Variants in PTPN13 observed in about 807,000 individuals in gnomAD.
PTPN13 encodes the protein protein tyrosine phosphatase non-receptor type 13.
In PTPN13, 191 loss-of-function variants were observed where a neutral mutation model predicts 284.0. That is an observed-to-expected ratio of 0.67 (90% CI 0.60 to 0.76). PTPN13 has a LOEUF of 0.76. Ranked by LOEUF, PTPN13 falls within the 30% of genes least tolerant of loss-of-function variation. PTPN13 has a pLI of 0.00. For synonymous variants in PTPN13, 986 were observed against 1,022.3 expected (o/e 0.96, Z 0.68); for missense variants, 2,797 against 2,939.9 (o/e 0.95, Z 1.12).
intron 2 of PTPN13, among the ~76,000 whole-genome samples, chr4:86,648,987 C>T (rs929923292): frequency 6.6e-6 from 1 of 152,092 alleles, no homozygotes; most frequent in Non-Finnish European, 1.5e-5. Context: ...TGATTTTGAG[C>T]ATTTTTTATA....
At chr4:86,611,479 T>A (rs1006160459) in intron 1 of PTPN13, among the ~76,000 whole-genome samples, 1 of 152,150 alleles carries the variant, frequency 6.6e-6, no homozygotes, top group South Asian at 2.1e-4. Flanking sequence ...TAGTGAAACT[T>A]GTAGCTAAGA....
In PTPN13 at chr4:86,775,198, A is replaced by T; in HGVS notation, c.5536A>T (p.Thr1846Ser). Residue 1846 changes from threonine (T) to serine (S), a missense_variant, in exon 34 of 48, where the codon ACT becomes TCT. Thr to Ser is a moderately conservative substitution (Grantham distance 58). Coordinates refer to ENST00000411767, the MANE Select transcript of PTPN13 (RefSeq NM_080683.3). ...TAATGATACAGATGTTACTAATATG[A>T]CTCATACAGATGCAGTTAATCTGCT... ...KVNDTDVTNM[T>S]HTDAVNLLRA... 6.2e-7 allele frequency: 1 copy of T among 1,610,858 alleles called. No individual in the cohort carries two copies. The highest frequency in any genetic ancestry group is 1.1e-5 in the South Asian group (1 of 90,090).
intron 17 of PTPN13, among the ~76,000 whole-genome samples, chr4:86,747,481 A>G (rs926771432): frequency 5.3e-5 from 8 of 152,256 alleles, no homozygotes; most frequent in African/African-American, 1.9e-4. Flanking sequence ...CCTCTAGAAG[A>G]TAGTACTACT....
chr4:86,758,316 G>A lies in PTPN13; in HGVS notation c.3280G>A (p.Val1094Met). The change falls in exon 21 of 48, where the codon GTG becomes ATG. Residue 1094 changes from valine to methionine, a missense_variant. By Grantham distance (21) the Val-to-Met change is conservative (BLOSUM62 1). Transcript: ENST00000411767. ...VSSPEREITL[V>M]NLKKDAKYGL... ...TTCACCAGAAAGGGAGATCACCTTAGTGAACCTGAAAAAAGATGCAAAGTA... is the reference window on the plus strand; with the variant it reads ...TTCACCAGAAAGGGAGATCACCTTAATGAACCTGAAAAAAGATGCAAAGTA... The A allele has an allele frequency of 6.2e-7, 1 of 1,612,108 alleles. No individual in the cohort carries two copies. Among genetic ancestry groups the A allele is most frequent in the South Asian group, 1.1e-5 (1 of 90,666 alleles).
chr4:86,665,159 T>C (rs1295188247), intron 2 of PTPN13, among the ~76,000 whole-genome samples: 1 of 152,168 alleles, frequency 6.6e-6, no homozygotes, highest in Non-Finnish European at 1.5e-5. Flanking sequence ...AATTGATCAG[T>C]AGCCATACCA....
Position 86,805,229 on chromosome 4 carries a change from A to G in PTPN13, c.6655-50A>G, listed in dbSNP as rs769219033. 1.7e-5 allele frequency: 21 copies of G among 1,229,222 alleles called. No individual in the cohort carries two copies. In the East Asian group the frequency reaches 4.6e-4, roughly 27 times the overall value. The allele number at this position is 1,229,222 out of a possible 1,614,324, so 76.1% of individuals were successfully genotyped here. ...CACATTTAAAGTATTTGAAGTTATT[A>G]CTGAATTACTGCTTATCTCAACAAA... On this transcript the variant is annotated intron_variant, in intron 43 of 47. Coordinates refer to ENST00000411767, the MANE Select transcript of PTPN13 (RefSeq NM_080683.3).
intron 28 of PTPN13, among the ~76,000 whole-genome samples, chr4:86,768,752 C>T (rs1739623317): frequency 6.7e-6 from 1 of 148,746 alleles, no homozygotes; most frequent in African/African-American, 2.5e-5. Flanking sequence ...GTTCTGTTGC[C>T]CAGGCTGGAG....
At chr4:86,648,368 TC>T (rs1419042079) in intron 2 of PTPN13, among the ~76,000 whole-genome samples, 1 of 152,042 alleles carries the variant, frequency 6.6e-6, no homozygotes, top group African/African-American at 2.4e-5. Flanking sequence ...CCTCTCTTTA[TC>T]CCCCCTCCAT....
At chr4:86,645,365 T>A (rs1365776330) in intron 2 of PTPN13, among the ~76,000 whole-genome samples, 2 of 152,172 alleles carry the variant, frequency 1.3e-5, no homozygotes, top group Non-Finnish European at 2.9e-5. Flanking sequence ...AACATTGTAT[T>A]CTAAGTTCTG....
chr4:86,661,356 A>G (rs1726466793), intron 2 of PTPN13, among the ~76,000 whole-genome samples: 1 of 152,208 alleles, frequency 6.6e-6, no homozygotes, highest in African/African-American at 2.4e-5. Context: ...CTTTTCTCCA[A>G]TATAGAAATT....
intron 1 of PTPN13, among the ~76,000 whole-genome samples, chr4:86,608,924 A>G (rs1380288085): frequency 1.3e-5 from 2 of 152,298 alleles, no homozygotes; most frequent in Admixed American, 6.5e-5. Context: ...GACTGCTAAC[A>G]AAGTTTCTTT....
chr4:86,702,467 A>G (rs1731270641), intron 7 of PTPN13, among the ~76,000 whole-genome samples: 1 of 152,196 alleles, frequency 6.6e-6, no homozygotes, highest in Non-Finnish European at 1.5e-5. Flanking sequence ...TACTCCATCT[A>G]TAAAATGGGC....
intron 1 of PTPN13, among the ~76,000 whole-genome samples, chr4:86,618,067 G>A (rs1377034725): frequency 2.0e-5 from 3 of 152,128 alleles, no homozygotes; most frequent in South Asian, 2.1e-4. Context: ...TAGGTCTAAC[G>A]TTTAAATCTT....
chr4:86,628,266 A>T (rs1357027708), intron 1 of PTPN13, among the ~76,000 whole-genome samples: 3 of 152,096 alleles, frequency 2.0e-5, no homozygotes, highest in African/African-American at 7.2e-5. Flanking sequence ...AATTTTAGAT[A>T]TCCTCATAGC....
chr4:86,774,340 C>T, intron 32 of PTPN13, 33 bp from the exon 33 acceptor site: 1 of 1,571,868 alleles, frequency 6.4e-7, no homozygotes, highest in South Asian at 1.2e-5. Context: ...GCAGAATAGA[C>T]AACCTAAAAG....
intron 33 of PTPN13, 23 bp downstream of exon 33, chr4:86,774,554 A>AT: frequency 6.4e-7 from 1 of 1,569,032 alleles, no homozygotes; most frequent in Non-Finnish European, 8.6e-7. Flanking sequence ...AGAGGAATGG[A>AT]TTATTTGTGT....
intron 33 of PTPN13, among the ~76,000 whole-genome samples, chr4:86,774,740 G>A (rs1181575702): frequency 6.7e-6 from 1 of 149,900 alleles, no homozygotes; most frequent in East Asian, 1.9e-4. Flanking sequence ...TATACTTTAA[G>A]TTCTAGGGTA....
At chr4:86,614,541 CAAAT>C (rs1658545426) in intron 1 of PTPN13, among the ~76,000 whole-genome samples, 2 of 152,072 alleles carry the variant, frequency 1.3e-5, no homozygotes, top group South Asian at 2.1e-4. Flanking sequence ...GTCAATTAAA[CAAAT>C]AGCCAATTCA....
chr4:86,711,490 G>C (rs1578470128), intron 7 of PTPN13, among the ~76,000 whole-genome samples: 1 of 152,144 alleles, frequency 6.6e-6, no homozygotes, highest in East Asian at 1.9e-4. Flanking sequence ...ATTTGGTGAT[G>C]TACTAAGGCT....
Sources: gnomAD v4.1 joint callset for allele counts (sites outside exome capture counted in the v4.1 genomes callset) on GRCh38, gnomAD v4.1.1 for gene constraint, MANE v1.5 for transcripts, NCBI Gene and HGNC (gene_info 2026-07-23, HGNC 2026-07-21) for gene names.